NCOA2: variants seen among roughly 807,000 people sequenced by gnomAD.
NCOA2 encodes the protein nuclear receptor coactivator 2.
In NCOA2, 21 loss-of-function variants were observed where a neutral mutation model predicts 145.1. The ratio of observed to expected loss-of-function variants is 0.14; its 90% CI spans 0.10 to 0.21. The LOEUF (loss-of-function observed/expected upper bound fraction) is 0.21, where lower values mean the gene tolerates loss of function less well. Among genes scored for constraint, NCOA2 ranks in the 10% least tolerant of loss-of-function variants. The pLI, the probability that NCOA2 is intolerant of heterozygous loss-of-function variation, is 1.00. For synonymous variants in NCOA2, 619 were observed against 637.5 expected (o/e 0.97, Z 0.44); for missense variants, 1,472 against 1,837.6 (o/e 0.80, Z 3.64).
intron 22 of NCOA2, among the ~76,000 whole-genome samples, chr8:70,118,536 T>A (rs1467689619): frequency 6.6e-6 from 1 of 152,182 alleles, no homozygotes; most frequent in Non-Finnish European, 1.5e-5. Flanking sequence ...AGAAACCGCA[T>A]GGAGAATATG....
the NCOA2 span, among the ~76,000 whole-genome samples, chr8:70,434,134 A>G: frequency 2.2e-4 from 34 of 152,350 alleles, no homozygotes; most frequent in African/African-American, 8.2e-4. Flanking sequence ...CTCAGAGGTC[A>G]AGGAGGAGCT....
chr8:70,396,231 A>C (rs1264396982), intron 1 of NCOA2, among the ~76,000 whole-genome samples: 5 of 152,248 alleles, frequency 3.3e-5, no homozygotes, highest in Non-Finnish European at 7.3e-5. Context: ...CTGTATCAGC[A>C]TTCTATCCTT....
chr8:70,389,948 G>A (rs764013346), intron 1 of NCOA2, among the ~76,000 whole-genome samples: 2 of 152,156 alleles, frequency 1.3e-5, no homozygotes, highest in Non-Finnish European at 2.9e-5. Context: ...TTACAGCCAT[G>A]AGCCACCATA....
chr8:70,187,095 G>A (rs180841831), intron 4 of NCOA2, among the ~76,000 whole-genome samples: 9 of 152,296 alleles, frequency 5.9e-5, no homozygotes, highest in Non-Finnish European at 4.4e-5. Flanking sequence ...TACAAGGACT[G>A]GCATCACTCA....
intron 2 of NCOA2, among the ~76,000 whole-genome samples, chr8:70,218,363 C>T (rs1819847235): frequency 6.6e-6 from 1 of 152,112 alleles, no homozygotes; most frequent in African/African-American, 2.4e-5. Context: ...TAGAGCAATG[C>T]AACCAAGTCC....
chr8:70,383,013 T>C (rs898437746), intron 1 of NCOA2, among the ~76,000 whole-genome samples: 1 of 152,136 alleles, frequency 6.6e-6, no homozygotes, highest in Admixed American at 6.5e-5. Flanking sequence ...TAAAAACAAA[T>C]ACGAAAAATT....
chr8:70,362,513 C>G (rs1377271890), intron 1 of NCOA2, among the ~76,000 whole-genome samples: 1 of 151,884 alleles, frequency 6.6e-6, no homozygotes, highest in Non-Finnish European at 1.5e-5. Flanking sequence ...AGACTCTTCA[C>G]CAAAAAAAGA....
chr8:70,296,921 CAAGT>C (rs753833049), intron 1 of NCOA2, 121 bp from the exon 2 acceptor site: 15 of 152,198 alleles, frequency 9.9e-5, no homozygotes, highest in Non-Finnish European at 2.2e-4. Flanking sequence ...CATCAATACA[CAAGT>C]AATATGCATT....
chr8:70,256,099 T>C (rs1823614765), intron 2 of NCOA2, among the ~76,000 whole-genome samples: 1 of 152,164 alleles, frequency 6.6e-6, no homozygotes. Context: ...TTTAAGGATA[T>C]GTTCTTATAG....
At chr8:70,236,306 C>T (rs1821598136) in intron 2 of NCOA2, among the ~76,000 whole-genome samples, 3 of 152,136 alleles carry the variant, frequency 2.0e-5, no homozygotes. Context: ...AGTCTTCGCT[C>T]CCTCCAAGAC....
chr8:70,217,207 A>T (rs1819704405), intron 2 of NCOA2, among the ~76,000 whole-genome samples: 1 of 152,212 alleles, frequency 6.6e-6, no homozygotes, highest in Non-Finnish European at 1.5e-5. Flanking sequence ...CCCACAACAG[A>T]CAGCCCGGGG....
intron 1 of NCOA2, among the ~76,000 whole-genome samples, chr8:70,334,112 T>A (rs1807348987): frequency 6.6e-6 from 1 of 152,340 alleles, no homozygotes; most frequent in Admixed American, 6.5e-5. Flanking sequence ...AATAGCTCTA[T>A]ATAGTGAACT....
chr8:70,249,427 C>A (rs758444523), intron 2 of NCOA2, among the ~76,000 whole-genome samples: 1 of 152,104 alleles, frequency 6.6e-6, no homozygotes, highest in Non-Finnish European at 1.5e-5. Flanking sequence ...AATACATATG[C>A]CAGATATGCA....
intron 1 of NCOA2, among the ~76,000 whole-genome samples, chr8:70,395,960 G>C (rs908193909): frequency 6.6e-6 from 1 of 152,216 alleles, no homozygotes; most frequent in Non-Finnish European, 1.5e-5. Flanking sequence ...GATCCTATAT[G>C]TGCAGGTGAA....
chr8:70,110,924 A>G lies in NCOA2; in HGVS notation c.*2708T>C, dbSNP rs777289872. ...TAGTAATATAAGTGAAACACTGATT[A>G]TTTGTTCTATTAAACAAAAACCAAG... On this transcript the variant is annotated 3_prime_UTR_variant, in exon 23 of 23. Transcript: ENST00000452400. 2.7e-5 allele frequency: 6 copies of G among 221,414 alleles called. No homozygotes were observed. Among genetic ancestry groups the G allele is most frequent in the Admixed American group, 5.7e-5 (1 of 17,408 alleles). 13.7% of individuals were successfully genotyped at this position (221,414 alleles called of 1,614,324 possible).
At chr8:70,263,728 CA>C (rs139137589) in intron 2 of NCOA2, among the ~76,000 whole-genome samples, 1 of 141,212 alleles carries the variant, frequency 7.1e-6, no homozygotes. Context: ...GACTCCATCT[CA>C]AAAAAAAAAC....
At chr8:70,255,533 A>C (rs1381047947) in intron 2 of NCOA2, among the ~76,000 whole-genome samples, 1 of 152,206 alleles carries the variant, frequency 6.6e-6, no homozygotes, top group Non-Finnish European at 1.5e-5. Flanking sequence ...GTACATACCA[A>C]TTCAAAGACA....
chr8:70,139,417 A>G (rs1810116543), intron 14 of NCOA2, among the ~76,000 whole-genome samples: 1 of 152,164 alleles, frequency 6.6e-6, no homozygotes, highest in African/African-American at 2.4e-5. Context: ...TAAATTTCTC[A>G]TTTAATTTTG....
chr8:70,412,270 T>C, the NCOA2 span, among the ~76,000 whole-genome samples: 1 of 151,896 alleles, frequency 6.6e-6, no homozygotes. Flanking sequence ...CAAGACCTTG[T>C]CTGTCTCTAA....
Sources: allele counts gnomAD v4.1 joint callset (sites outside exome capture counted in the v4.1 genomes callset), GRCh38; gene constraint gnomAD v4.1.1; transcripts MANE v1.5; gene names NCBI Gene and HGNC (gene_info 2026-07-23, HGNC 2026-07-21).